The following MGAT3 variants were observed in gnomAD, a reference collection of about 807,000 sequenced individuals.
MGAT3 encodes GlcNAc-T III.
A neutral mutation model predicts 29.8 loss-of-function variants in MGAT3; 9 were observed. That is an observed-to-expected ratio of 0.30 (90% confidence interval 0.18 to 0.53). The LOEUF is 0.53. Ranked by LOEUF, MGAT3 falls within the 20% of genes least tolerant of loss-of-function variation. MGAT3 has a pLI of 0.96. For missense variants in MGAT3, 557 were observed against 769.5 expected, an observed-to-expected ratio of 0.72 and a Z score of 3.27; for synonymous variants, 397 against 348.9, an observed-to-expected ratio of 1.14 and a Z score of -1.54.
Position 39,490,050 on chromosome 22 carries a change from C to T in MGAT3, c.*1101C>T, listed in dbSNP as rs1473033641. On this transcript the variant is annotated 3_prime_UTR_variant, in exon 2 of 2. Coordinates refer to ENST00000341184, the MANE Select transcript of MGAT3 (RefSeq NM_002409.5). ...GGGGATGTCTTTGTTGGAGTTGATT[C>T]TGAGCTGCTGTGATTAGGAGACCCT... The T allele has an allele frequency of 6.0e-6, 1 of 167,340 alleles. No individual in the cohort carries two copies. Among genetic ancestry groups the T allele is most frequent in the African/African-American group, 2.4e-5 (1 of 41,460 alleles). The allele number at this position is 167,340 out of a possible 1,614,324, so 10.4% of individuals were successfully genotyped here. A position where few individuals can be genotyped will look rare whatever the true frequency, so the allele number is the denominator to read the frequency against.
At chr22:39,468,404 G>A (rs139836190) in intron 1 of MGAT3, among the ~76,000 whole-genome samples, 9 of 152,284 alleles carry the variant, frequency 5.9e-5, no homozygotes, top group Admixed American at 2.0e-4. Flanking sequence ...TGGTTCAGAC[G>A]CTGGCAGGGA....
chr22:39,457,127 A>C lies in MGAT3; in HGVS notation c.-432A>C. On this transcript the variant is annotated 5_prime_UTR_variant, in exon 1 of 2. Coordinates refer to ENST00000341184, the MANE Select transcript of MGAT3 (RefSeq NM_002409.5). The surrounding 1 kb of genome is among the most constrained non-coding windows in gnomAD (Gnocchi z 6.8). The stretch of plus-strand genomic sequence containing the variant: ...CGCCCCCGGCCCGGCGCGGCGGCGG[A>C]GCCCGGCTGGCGGGGGAGGGGAGGG... 7.2e-6 allele frequency among the ~76,000 whole-genome samples: 1 copy of C among 138,544 alleles called. No homozygotes were observed. The highest frequency in any genetic ancestry group is 2.4e-4 in the South Asian group (1 of 4,148). The allele number at this position is 138,544 out of a possible 152,430, so 90.9% of individuals were successfully genotyped here. A position where few individuals can be genotyped will look rare whatever the true frequency, so the allele number is the denominator to read the frequency against.
intron 1 of MGAT3, among the ~76,000 whole-genome samples, chr22:39,479,776 C>A (rs902333584): frequency 1.3e-5 from 2 of 152,218 alleles, no homozygotes; most frequent in Non-Finnish European, 2.9e-5. Context: ...GGGATTTGAA[C>A]TGGGGAGTCC....
intron 1 of MGAT3, among the ~76,000 whole-genome samples, chr22:39,480,969 C>T (rs1929107850): frequency 2.0e-5 from 3 of 152,254 alleles, no homozygotes; most frequent in South Asian, 4.1e-4. Context: ...GCTTCCCCTG[C>T]CCTGCCCTTG....
chr22:39,483,398 C>T (rs536938860), intron 1 of MGAT3, among the ~76,000 whole-genome samples: 44 of 152,012 alleles, frequency 2.9e-4, no homozygotes, highest in African/African-American at 1.0e-3. Flanking sequence ...GAGGCTAAGG[C>T]GGGAGAATTG....
chr22:39,460,050 A>G (rs1472595711), intron 1 of MGAT3, among the ~76,000 whole-genome samples: 1 of 152,226 alleles, frequency 6.6e-6, no homozygotes, highest in Non-Finnish European at 1.5e-5. Flanking sequence ...GGCCAGAGGC[A>G]GGGTGGTCTG....
chr22:39,483,499 A>C (rs1406332711), intron 1 of MGAT3, among the ~76,000 whole-genome samples: 1 of 126,480 alleles, frequency 7.9e-6, no homozygotes, highest in Non-Finnish European at 1.7e-5. Context: ...AAAATTAAAA[A>C]ATTAAAAAAA....
chr22:39,469,597 G>C (rs1042543821), intron 1 of MGAT3, among the ~76,000 whole-genome samples: 9 of 152,218 alleles, frequency 5.9e-5, no homozygotes, highest in African/African-American at 2.2e-4. Flanking sequence ...TGGTGCATGA[G>C]AGCCTCTGCC....
At chr22:39,480,868 A>C (rs1023690029) in intron 1 of MGAT3, among the ~76,000 whole-genome samples, 2 of 152,220 alleles carry the variant, frequency 1.3e-5, no homozygotes, top group Non-Finnish European at 2.9e-5. Flanking sequence ...CCAGCTCTTC[A>C]GCAAATCCAG....
intron 1 of MGAT3, among the ~76,000 whole-genome samples, chr22:39,465,824 C>T (rs772994889): frequency 2.7e-4 from 41 of 151,364 alleles, no homozygotes; most frequent in Non-Finnish European, 4.9e-4. Context: ...CTCAGCTACT[C>T]GGGAGGCTGA....
chr22:39,486,312 C>T (rs1929271104), intron 1 of MGAT3: 2 of 297,924 alleles, frequency 6.7e-6, no homozygotes, highest in East Asian at 2.5e-4. Flanking sequence ...ACTCAGCTAA[C>T]TTTTGTATTT....
At chr22:39,480,491 C>T (rs574839912) in intron 1 of MGAT3, among the ~76,000 whole-genome samples, 17 of 152,304 alleles carry the variant, frequency 1.1e-4, no homozygotes, top group Non-Finnish European at 1.8e-4. Context: ...GTGGGCTGGA[C>T]GATGTCCCCC....
chr22:39,480,090 G>C (rs1183031475), intron 1 of MGAT3, among the ~76,000 whole-genome samples: 3 of 152,236 alleles, frequency 2.0e-5, no homozygotes, highest in Non-Finnish European at 2.9e-5. Context: ...CATTGATGAT[G>C]ATGAGGAGCT....
At position 39,475,128 on chromosome 22, in the gene MGAT3, C is replaced by CTTTTTTTTTTTTTTTT. The variant is rs58543840; in HGVS notation, c.-1-12212_-1-12197dup. Among the ~76,000 whole-genome samples, 576 of 118,674 alleles carry CTTTTTTTTTTTTTTTT rather than the reference C, an allele frequency of 4.9e-3. 19 individuals carry two copies. Among genetic ancestry groups the CTTTTTTTTTTTTTTTT allele is most frequent in the African/African-American group, 0.021 (557 of 26,972 alleles). The allele number at this position is 118,674 out of a possible 152,430, so 77.9% of individuals were successfully genotyped here. On this transcript the variant is annotated intron_variant, in intron 1 of 1. Coordinates refer to ENST00000341184, the MANE Select transcript of MGAT3 (RefSeq NM_002409.5). ...TGAATTCACAGCAGGGCTTGCCAGGCTTTTTTTTTTTTTTTTTTTTTTAAC... is the reference window on the plus strand; with the variant it reads ...TGAATTCACAGCAGGGCTTGCCAGGCTTTTTTTTTTTTTTTTTTTTTTTTTTTTTTTTTTTTTTAAC...
chr22:39,483,612 G>A (rs967889836), intron 1 of MGAT3, among the ~76,000 whole-genome samples: 9 of 152,070 alleles, frequency 5.9e-5, no homozygotes, highest in Non-Finnish European at 1.0e-4. Context: ...TGCTAACCCC[G>A]GCTGCAGTAT....
intron 1 of MGAT3, among the ~76,000 whole-genome samples, chr22:39,464,194 G>A (rs117211931): frequency 4.6e-5 from 7 of 152,142 alleles, no homozygotes; most frequent in African/African-American, 1.7e-4. Flanking sequence ...CCCAGGCAGG[G>A]CATGATGCCC....
chr22:39,465,485 C>T (rs959932634), intron 1 of MGAT3, among the ~76,000 whole-genome samples: 18 of 152,132 alleles, frequency 1.2e-4, no homozygotes, highest in African/African-American at 3.6e-4. Flanking sequence ...GTGTGTAAGA[C>T]GCTTTGTTAA....
intron 1 of MGAT3, among the ~76,000 whole-genome samples, chr22:39,462,726 C>T (rs780173090): frequency 3.3e-5 from 5 of 152,188 alleles, no homozygotes; most frequent in Non-Finnish European, 7.4e-5. Flanking sequence ...CGACTTGTCA[C>T]GTACTTCTCC....
At position 39,485,297 on chromosome 22, in the gene MGAT3, T is replaced by A. The variant is rs1479577377; in HGVS notation, c.-1-2050T>A. On this transcript the variant is annotated intron_variant, in intron 1 of 1. Coordinates refer to ENST00000341184, the MANE Select transcript of MGAT3 (RefSeq NM_002409.5). The stretch of plus-strand genomic sequence containing the variant: ...GATGGCTACGGTCGGAGGTGCTCTG[T>A]GGCTGCACGGCTCATTCATAAAACG... Among the ~76,000 whole-genome samples, 9 of 152,158 alleles carry A rather than the reference T, an allele frequency of 5.9e-5. No individual in the cohort carries two copies. In the East Asian group the frequency reaches 1.7e-3, roughly 29 times the overall value.
Sources: gnomAD v4.1 joint callset for allele counts (sites outside exome capture counted in the v4.1 genomes callset) on GRCh38, gnomAD v4.1.1 for gene constraint, Gnocchi (gnomAD v3.1) non-coding constraint, MANE v1.5 for transcripts, NCBI Gene and HGNC (gene_info 2026-07-23, HGNC 2026-07-21) for gene names.